The following TMEM80 variants were observed in gnomAD, a reference collection of about 807,000 sequenced individuals.
TMEM80 encodes the protein transmembrane protein 80.
A neutral mutation model predicts 13.6 loss-of-function variants in TMEM80; 16 were observed. The ratio of observed to expected loss-of-function variants is 1.17; its 90% confidence interval spans 0.79 to 1.78. The LOEUF (loss-of-function observed/expected upper bound fraction) is 1.78. TMEM80 is among the 40% of genes most tolerant of loss of function. The pLI is 0.00. For synonymous variants in TMEM80, 92 were observed against 89.5 expected (o/e 1.03, Z -0.16); for missense variants, 167 against 184.6 (o/e 0.90, Z 0.55).
At chr11:698,691 A>G (rs912585106) in intron 1 of TMEM80, among the ~76,000 whole-genome samples, 178 bp from the exon 2 acceptor site, 2 of 151,928 alleles carry the variant, frequency 1.3e-5, no homozygotes, top group African/African-American at 4.8e-5. Flanking sequence ...TCATTGAAGG[A>G]TGGTTAGAGA....
chr11:695,887 C>A, intron 1 of TMEM80, 41 bp downstream of exon 1: 1 of 1,217,630 alleles, frequency 8.2e-7, no homozygotes, highest in Non-Finnish European at 1.0e-6. Flanking sequence ...CTTGCAGCGG[C>A]GGGCGCGGCG....
intron 1 of TMEM80, among the ~76,000 whole-genome samples, chr11:696,629 G>A (rs971285252): frequency 1.8e-5 from 1 of 54,836 alleles, no homozygotes; most frequent in Admixed American, 2.2e-4. Context: ...TCAGCCAGGC[G>A]GTGGCGCACC....
Position 703,298 on chromosome 11 carries a change from A to G in TMEM80, c.*148A>G. The G allele has an allele frequency of 7.0e-7, 1 of 1,428,274 alleles. No homozygotes were observed. The highest frequency in any genetic ancestry group is 2.6e-5 in the East Asian group (1 of 39,056). The allele number at this position is 1,428,274 out of a possible 1,614,324, so 88.5% of individuals were successfully genotyped here. ...TTTGGATGGTTCCATCTGTTCTGGCAGGAGTGGGAGCAGGAGCCAGGGCAG... is the reference window on the plus strand; with the variant it reads ...TTTGGATGGTTCCATCTGTTCTGGCGGGAGTGGGAGCAGGAGCCAGGGCAG... On this transcript the variant is annotated 3_prime_UTR_variant, in exon 5 of 5. Coordinates refer to ENST00000397510, the MANE Select transcript of TMEM80 (RefSeq NM_001042463.3).
At position 703,668 on chromosome 11, in the gene TMEM80, A is replaced by T. The variant is rs953260754; in HGVS notation, c.*518A>T. 1 of 1,232,176 alleles carries T rather than the reference A, an allele frequency of 8.1e-7. No homozygotes were observed. Among genetic ancestry groups the T allele is most frequent in the African/African-American group, 1.6e-5 (1 of 64,402 alleles). 76.3% of individuals were successfully genotyped at this position (1,232,176 alleles called of 1,614,324 possible). A position where few individuals can be genotyped will look rare whatever the true frequency, so the allele number is the denominator to read the frequency against. On this transcript the variant is annotated 3_prime_UTR_variant, in exon 5 of 5. Transcript: ENST00000397510. Reference sequence around the variant, plus strand: ...TGGGGTAGGCCTTGTGCTCTGAGCAACCCCAGCTCTGCCTCACAGGCAGGC... The same window carrying T: ...TGGGGTAGGCCTTGTGCTCTGAGCATCCCCAGCTCTGCCTCACAGGCAGGC...
intron 3 of TMEM80, among the ~76,000 whole-genome samples, 187 bp downstream of exon 3, chr11:700,422 G>A (rs1861396323): frequency 6.6e-6 from 1 of 151,906 alleles, no homozygotes; most frequent in South Asian, 2.1e-4. Flanking sequence ...AGCTACTCGG[G>A]AGACTGAGGT....
intron 1 of TMEM80, among the ~76,000 whole-genome samples, 172 bp downstream of exon 1, chr11:696,018 G>A (rs1213444429): frequency 6.6e-6 from 1 of 151,860 alleles, no homozygotes; most frequent in Non-Finnish European, 1.5e-5. Flanking sequence ...CCTGGCCTGG[G>A]TGGCGGGCGT....
rs745935006 is a variant in TMEM80 at position 700,724 on chromosome 11, C to T, written c.226+17C>T. Reference sequence around the variant, plus strand: ...TATACCTGGGTGAGTGGACTGTTAACACCGTGAAGAACCTGTCCTAAGAGT... The same window carrying T: ...TATACCTGGGTGAGTGGACTGTTAATACCGTGAAGAACCTGTCCTAAGAGT... On this transcript the variant is annotated intron_variant, in intron 4 of 4. Transcript: ENST00000397510. 6.3e-7 allele frequency: 1 copy of T among 1,599,252 alleles called. No homozygotes were observed. The highest frequency in any genetic ancestry group is 8.6e-7 in the Non-Finnish European group (1 of 1,166,436).
intron 1 of TMEM80, 57 bp from the exon 2 acceptor site, chr11:698,812 C>G (rs1488764578): frequency 1.2e-6 from 2 of 1,608,890 alleles, no homozygotes; most frequent in Admixed American, 1.7e-5. Context: ...TGGAGCGAGA[C>G]CCGGGAAAGC....
rs202097622 is a variant in TMEM80 at position 704,033 on chromosome 11, T to C, written c.*883T>C. 115 of 1,193,284 alleles carry C rather than the reference T, an allele frequency of 9.6e-5. No homozygotes were observed. The East Asian group carries it at 3.8e-3, about 39-fold the overall frequency. The allele number at this position is 1,193,284 out of a possible 1,614,324, so 73.9% of individuals were successfully genotyped here. On this transcript the variant is annotated 3_prime_UTR_variant, in exon 5 of 5. Coordinates refer to ENST00000397510, the MANE Select transcript of TMEM80 (RefSeq NM_001042463.3). ...TAGCTTTCCCTTCACTTGATTCTATTGTGTGTTTTCTATGTTTGGAATAAT... is the reference window on the plus strand; with the variant it reads ...TAGCTTTCCCTTCACTTGATTCTATCGTGTGTTTTCTATGTTTGGAATAAT...
At chr11:704,383 G>A (rs1276410231), downstream of TMEM80, 2 of 1,142,470 alleles carry the variant, frequency 1.8e-6, no homozygotes, top group African/African-American at 3.2e-5. Flanking sequence ...CTTCGTGGAA[G>A]CGGTGGGAGC....
chr11:700,046 C>A, intron 2 of TMEM80, 96 bp from the exon 3 acceptor site: 3 of 959,174 alleles, frequency 3.1e-6, no homozygotes, highest in South Asian at 1.4e-5. Flanking sequence ...GTGTCTGTGG[C>A]CACCAAACAG....
chr11:698,605 G>T (rs1293800091), intron 1 of TMEM80, among the ~76,000 whole-genome samples: 1 of 152,132 alleles, frequency 6.6e-6, no homozygotes, highest in Non-Finnish European at 1.5e-5. Flanking sequence ...GTCTGGCCCA[G>T]GTTCACTTCC....
chr11:698,283 C>T (rs1459447688), intron 1 of TMEM80, among the ~76,000 whole-genome samples: 2 of 151,540 alleles, frequency 1.3e-5, no homozygotes, highest in East Asian at 1.9e-4. Context: ...ACTCACTCCT[C>T]GGGCTTCCTG....
chr11:698,807 C>T (rs4963166), intron 1 of TMEM80, 62 bp from the exon 2 acceptor site: 705,601 of 1,600,298 alleles, frequency 0.44, 159,389 homozygotes, highest in East Asian at 0.53. Context: ...CAGTGTGGAG[C>T]GAGACCCGGG....
chr11:700,457 G>T (rs1345807330), intron 3 of TMEM80, among the ~76,000 whole-genome samples, 158 bp from the exon 4 acceptor site: 1 of 151,778 alleles, frequency 6.6e-6, no homozygotes, highest in African/African-American at 2.4e-5. Context: ...AACCCGGGAG[G>T]TGGAGGTTCC....
chr11:699,137 G>A (rs575644339), intron 2 of TMEM80: 6 of 501,736 alleles, frequency 1.2e-5, no homozygotes, highest in South Asian at 3.4e-5. Flanking sequence ...CTCCCAAGGC[G>A]ATGGCCACCT....
chr11:695,722 C>G (rs757801113), upstream of TMEM80: 1 of 1,240,258 alleles, frequency 8.1e-7, no homozygotes, highest in African/African-American at 1.6e-5. Context: ...AAACGCGGCG[C>G]GGTCGGGCCC....
At chr11:698,753 A>G (rs1370421513) in intron 1 of TMEM80, 116 bp from the exon 2 acceptor site, 3 of 1,262,426 alleles carry the variant, frequency 2.4e-6, no homozygotes, top group East Asian at 4.6e-5. Flanking sequence ...GCTGCTTTCT[A>G]CAAATACGAG....
rs780031494 is a variant in TMEM80, at chr11:700,622, G to A, written c.141G>A (p.Val47=). 2 of 1,614,012 alleles carry A rather than the reference G, an allele frequency of 1.2e-6. No homozygotes were observed. The highest frequency in any genetic ancestry group is 1.7e-5 in the Admixed American group (1 of 60,002). ...CGCGCCTCTGCTCTTCAGGTCAGGT[G>A]TTCAGCTATCCTCACCGCTACCTGG... ...TLLMITYKSQ[V]FSYPHRYLVL... is the part of the protein sequence containing the mutation. Residue 47 remains valine (V), a synonymous_variant, in exon 4 of 5, where the codon GTG becomes GTA. Transcript: ENST00000397510.
Sources: gnomAD v4.1 joint callset for allele counts (sites outside exome capture counted in the v4.1 genomes callset) on GRCh38, gnomAD v4.1.1 for gene constraint, MANE v1.5 for transcripts, NCBI Gene and HGNC (gene_info 2026-07-23, HGNC 2026-07-21) for gene names.